Variants in CCDC60 observed in about 807,000 individuals in gnomAD.
CCDC60 encodes coiled-coil domain-containing protein 60.
Under a neutral mutation model 63.5 loss-of-function variants are expected in CCDC60, and 54 were observed. The observed-to-expected ratio is 0.85, with a 90% CI of 0.68 to 1.07. The LOEUF is 1.07. Among genes scored for constraint, CCDC60 ranks in the 50% least tolerant of loss-of-function variants. The pLI, the probability that CCDC60 is intolerant of heterozygous loss-of-function variation, is 0.00. For missense variants in CCDC60, 651 were observed against 684.3 expected (o/e 0.95, Z 0.54); for synonymous variants, 206 against 238.8 (o/e 0.86, Z 1.27).
In CCDC60 at chr12:119,420,583, G is replaced by A. The variant is rs112931837; in HGVS notation, c.91-8100G>A. Among the ~76,000 whole-genome samples the A allele has an allele frequency of 0.022, 3,365 of 152,200 alleles. 107 individuals are homozygous for A. The highest frequency in any genetic ancestry group is 0.076 in the African/African-American group (3,173 of 41,506). ...GAGGCTGGGAAGGATAGTGGGGGAT[G>A]GGGGGCAGAAGGTGGGAATGGCTAA... On this transcript the variant is annotated intron_variant, in intron 1 of 13. Transcript: ENST00000327554. The surrounding 1 kb of genome is among the most constrained non-coding windows in gnomAD (Gnocchi z 4.1).
intron 1 of CCDC60, among the ~76,000 whole-genome samples, chr12:119,382,818 C>T (rs1003200856): frequency 1.3e-5 from 2 of 152,128 alleles, no homozygotes; most frequent in African/African-American, 2.4e-5. Flanking sequence ...CCAAACATGC[C>T]GGGCCACCAA....
At chr12:119,355,544 A>C (rs547495970) in intron 1 of CCDC60, among the ~76,000 whole-genome samples, 2 of 152,376 alleles carry the variant, frequency 1.3e-5, no homozygotes, top group South Asian at 4.1e-4. Context: ...AGGGCAGACG[A>C]GCCTCAAAAT....
intron 1 of CCDC60, among the ~76,000 whole-genome samples, chr12:119,363,227 A>G (rs1955808637): frequency 6.6e-6 from 1 of 152,172 alleles, no homozygotes; most frequent in African/African-American, 2.4e-5. Flanking sequence ...CTCTCTGGTG[A>G]GTGTGTAGTG....
intron 1 of CCDC60, among the ~76,000 whole-genome samples, chr12:119,380,734 C>T (rs1352190886): frequency 6.6e-6 from 1 of 152,228 alleles, no homozygotes; most frequent in African/African-American, 2.4e-5. Context: ...TAACACCTCT[C>T]TAAGGACTTG....
chr12:119,499,171 T>C (rs1245680432), intron 5 of CCDC60, among the ~76,000 whole-genome samples: 3 of 152,218 alleles, frequency 2.0e-5, no homozygotes, highest in Non-Finnish European at 4.4e-5. Flanking sequence ...ATTATTAATT[T>C]GGCAACAAAT....
chr12:119,514,505 A>G (rs953012330), intron 7 of CCDC60, among the ~76,000 whole-genome samples: 5 of 152,100 alleles, frequency 3.3e-5, no homozygotes, highest in Non-Finnish European at 5.9e-5. Context: ...TTTAACAAAA[A>G]TGTTTTAAAA....
intron 6 of CCDC60, among the ~76,000 whole-genome samples, chr12:119,500,538 C>T (rs541721778): frequency 6.8e-6 from 1 of 146,786 alleles, no homozygotes; most frequent in African/African-American, 2.5e-5. Context: ...CCGCCCCCCA[C>T]CCCCACCCCG....
At chr12:119,350,170 ATTATTTAT>A (rs10534165) in intron 1 of CCDC60, among the ~76,000 whole-genome samples, 40,054 of 144,590 alleles carry the variant, frequency 0.28, 5,762 homozygotes, top group South Asian at 0.41. Context: ...TCTTTGCTTT[ATTATTTAT>A]TTATTTATTT....
intron 1 of CCDC60, among the ~76,000 whole-genome samples, chr12:119,411,456 G>A (rs576103683): frequency 2.0e-5 from 3 of 151,374 alleles, no homozygotes; most frequent in East Asian, 2.0e-4. Context: ...GCAGTGAGCC[G>A]AGATCACACC....
At chr12:119,539,787 G>A (rs1355359659) in intron 13 of CCDC60, among the ~76,000 whole-genome samples, 2 of 152,220 alleles carry the variant, frequency 1.3e-5, no homozygotes, top group Non-Finnish European at 2.9e-5. Flanking sequence ...CCAGTTTTGT[G>A]CTTAAAACCC....
chr12:119,509,644 A>AATGATGATG (rs60115763), intron 7 of CCDC60, among the ~76,000 whole-genome samples: 110 of 150,936 alleles, frequency 7.3e-4, no homozygotes, highest in East Asian at 2.2e-3. Flanking sequence ...TTTTCTTTAG[A>AATGATGATG]ATGATGATGA....
chr12:119,519,394 GAT>G (rs535882054), intron 8 of CCDC60, among the ~76,000 whole-genome samples: 23 of 127,930 alleles, frequency 1.8e-4, no homozygotes, highest in South Asian at 1.4e-3. Flanking sequence ...CAGAGGTAGT[GAT>G]ATATATGTGT....
Position 119,456,028 on chromosome 12 carries a change from AAAG to A in CCDC60, c.171-15963_171-15961del, listed in dbSNP as rs1315521785. On this transcript the variant is annotated intron_variant, in intron 2 of 13. Coordinates refer to ENST00000327554, the MANE Select transcript of CCDC60 (RefSeq NM_178499.5). This position sits in a 1 kb window ranked among gnomAD's most constrained non-coding sequence, Gnocchi z 4.6. ...GAAAGAAAGAAAGAAAGAAAGAAAG[AAAG>A]AAAGAAAGAAAGAAAGAAAGAAAGA... Among the ~76,000 whole-genome samples the A allele has an allele frequency of 3.5e-4, 48 of 137,984 alleles. No homozygotes were observed. Among genetic ancestry groups the A allele is most frequent in the Non-Finnish European group, 6.1e-4 (39 of 64,062 alleles). The allele number at this position is 137,984 out of a possible 152,430, so 90.5% of individuals were successfully genotyped here.
intron 1 of CCDC60, chr12:119,387,857 C>A (rs775171526): frequency 1.3e-5 from 2 of 152,128 alleles, no homozygotes; most frequent in South Asian, 4.2e-4. Context: ...TAATGTCTCA[C>A]GATTACATGC....
At chr12:119,508,835 A>G (rs1952129658) in intron 7 of CCDC60, among the ~76,000 whole-genome samples, 1 of 149,562 alleles carries the variant, frequency 6.7e-6, no homozygotes, top group Non-Finnish European at 1.5e-5. Context: ...CCATGTCTTC[A>G]TTTTTTTTTT....
At chr12:119,494,237 T>C (rs930831093) in intron 5 of CCDC60, among the ~76,000 whole-genome samples, 1 of 152,188 alleles carries the variant, frequency 6.6e-6, no homozygotes, top group Non-Finnish European at 1.5e-5. Context: ...CAAGCTCTAA[T>C]GCTGCCTCCC....
intron 1 of CCDC60, among the ~76,000 whole-genome samples, chr12:119,373,153 G>C (rs1955915025): frequency 1.3e-5 from 2 of 152,140 alleles, no homozygotes; most frequent in Admixed American, 6.5e-5. Context: ...ATGCAGTCAA[G>C]CTGACTGACC....
intron 5 of CCDC60, among the ~76,000 whole-genome samples, chr12:119,489,533 G>T (rs1951535827): frequency 6.6e-6 from 1 of 152,152 alleles, no homozygotes; most frequent in Non-Finnish European, 1.5e-5. Flanking sequence ...TAAAAGCTTG[G>T]ACGCCACTGT....
At position 119,540,628 on chromosome 12, in the gene CCDC60, C is replaced by T; in HGVS notation, c.1566C>T (p.His522=). 3.1e-6 allele frequency: 5 copies of T among 1,613,740 alleles called. No individual in the cohort carries two copies. Among genetic ancestry groups the T allele is most frequent in the African/African-American group, 1.3e-5 (1 of 75,036 alleles). ...IAVAIEFVRE[H]IIHMPQEDYI... is the part of the protein sequence containing the mutation. ...CTGCCTCACAGTTTGTGCGAGAACA[C>T]ATCATCCATATGCCTCAAGAGGATT... The change falls in exon 14 of 14, where the codon CAC becomes CAT. Residue 522 remains histidine (H), a synonymous_variant. Transcript: ENST00000327554.
Sources: allele counts gnomAD v4.1 joint callset (sites outside exome capture counted in the v4.1 genomes callset), GRCh38; gene constraint gnomAD v4.1.1; non-coding constraint Gnocchi (gnomAD v3.1); transcripts MANE v1.5; gene names NCBI Gene and HGNC (gene_info 2026-07-23, HGNC 2026-07-21).